SKAP1: variants seen among roughly 807,000 people sequenced by gnomAD.
SKAP1 encodes src kinase associated phosphoprotein 1.
SKAP1 carries 44 observed loss-of-function variants against 58.5 expected under a neutral mutation model. That is an observed-to-expected ratio of 0.75 (90% confidence interval 0.59 to 0.97). The LOEUF (loss-of-function observed/expected upper bound fraction) is 0.97. SKAP1 is among the 50% of genes least tolerant of loss of function. SKAP1 has a pLI of 0.00. For synonymous variants in SKAP1, 127 were observed against 149.7 expected (o/e 0.85, Z 1.11); for missense variants, 390 against 435.2 (o/e 0.90, Z 0.92).
At chr17:48,348,435 C>CT (rs996320544) in intron 3 of SKAP1, among the ~76,000 whole-genome samples, 47 of 143,486 alleles carry the variant, frequency 3.3e-4, no homozygotes, top group East Asian at 4.0e-4. Flanking sequence ...TCAGGAAGGG[C>CT]TTTTTTTTTT....
chr17:48,292,706 T>C (rs1380200007), intron 4 of SKAP1, among the ~76,000 whole-genome samples: 3 of 152,148 alleles, frequency 2.0e-5, no homozygotes, highest in Non-Finnish European at 2.9e-5. Flanking sequence ...ATTTTGGGCA[T>C]GGGGAGATAT....
chr17:48,200,393 T>C (rs1013870283), intron 4 of SKAP1, among the ~76,000 whole-genome samples: 1 of 151,746 alleles, frequency 6.6e-6, no homozygotes, highest in Non-Finnish European at 1.5e-5. Flanking sequence ...TTTTTTTTTT[T>C]GAGTTGGAGT....
At chr17:48,225,571 C>T (rs747842352) in intron 4 of SKAP1, among the ~76,000 whole-genome samples, 5 of 152,104 alleles carry the variant, frequency 3.3e-5, no homozygotes, top group Non-Finnish European at 7.4e-5. Flanking sequence ...ATGGATTATG[C>T]GGAGGGCCCA....
chr17:48,324,554 C>T (rs2066407738), intron 4 of SKAP1, among the ~76,000 whole-genome samples: 1 of 151,906 alleles, frequency 6.6e-6, no homozygotes, highest in South Asian at 2.1e-4. Flanking sequence ...GTCTTATAAC[C>T]TAATTTTTTC....
chr17:48,321,925 C>T (rs760121023), intron 4 of SKAP1, among the ~76,000 whole-genome samples: 8 of 152,164 alleles, frequency 5.3e-5, no homozygotes, highest in Non-Finnish European at 1.2e-4. Flanking sequence ...ACAATCCATA[C>T]CCAAATTATT....
At chr17:48,290,829 A>G (rs1469092511) in intron 4 of SKAP1, among the ~76,000 whole-genome samples, 2 of 152,204 alleles carry the variant, frequency 1.3e-5, no homozygotes, top group Admixed American at 1.3e-4. Context: ...AGAAAAGAAA[A>G]ATATTTTACA....
At chr17:48,402,392 C>T (rs1223345017) in intron 1 of SKAP1, among the ~76,000 whole-genome samples, 4 of 150,430 alleles carry the variant, frequency 2.7e-5, no homozygotes, top group South Asian at 2.1e-4. Context: ...GGCAGTGGTG[C>T]GATCTCAGCT....
chr17:48,162,148 T>C (rs1037747801), intron 11 of SKAP1, among the ~76,000 whole-genome samples: 1 of 152,108 alleles, frequency 6.6e-6, no homozygotes. Flanking sequence ...TGTAGTTTAG[T>C]AGAGACTGGG....
intron 1 of SKAP1, among the ~76,000 whole-genome samples, chr17:48,421,492 A>G (rs2067793152): frequency 6.6e-6 from 1 of 151,792 alleles, no homozygotes; most frequent in Non-Finnish European, 1.5e-5. Context: ...TTTAGTAGAG[A>G]CGGGGTTTCA....
intron 4 of SKAP1, among the ~76,000 whole-genome samples, chr17:48,233,413 G>A (rs1005800847): frequency 2.0e-5 from 3 of 152,124 alleles, no homozygotes; most frequent in Non-Finnish European, 4.4e-5. Flanking sequence ...GAACTGTGTT[G>A]TCCCTGTTTG....
At chr17:48,382,615 T>A (rs1188650625) in intron 2 of SKAP1, 1 of 152,294 alleles carries the variant, frequency 6.6e-6, no homozygotes, top group African/African-American at 2.4e-5. Context: ...GCTGCAGAGA[T>A]AACGAACCTC....
chr17:48,398,265 T>C (rs919431983), intron 1 of SKAP1, among the ~76,000 whole-genome samples: 1 of 152,094 alleles, frequency 6.6e-6, no homozygotes, highest in Non-Finnish European at 1.5e-5. Context: ...ATTAGATCCT[T>C]ATAGGAGCAC....
chr17:48,405,450 T>TTTCCTTCCTTTC (rs1441641292), intron 1 of SKAP1, among the ~76,000 whole-genome samples: 1 of 94,006 alleles, frequency 1.1e-5, no homozygotes, highest in Non-Finnish European at 2.2e-5. Flanking sequence ...TCTTTCTTTC[T>TTTCCTTCCTTTC]TTTCTTTCTT....
chr17:48,271,506 A>G (rs2065633354), intron 4 of SKAP1, among the ~76,000 whole-genome samples: 1 of 151,508 alleles, frequency 6.6e-6, no homozygotes, highest in African/African-American at 2.4e-5. Context: ...AGATGGGACC[A>G]CAGCGTGTGT....
intron 2 of SKAP1, among the ~76,000 whole-genome samples, chr17:48,375,088 T>C (rs2067135554): frequency 6.6e-6 from 1 of 152,166 alleles, no homozygotes; most frequent in Non-Finnish European, 1.5e-5. Context: ...AATACTACTG[T>C]AACAACAGAC....
At chr17:48,409,490 C>A (rs2067634449) in intron 1 of SKAP1, among the ~76,000 whole-genome samples, 1 of 151,998 alleles carries the variant, frequency 6.6e-6, no homozygotes, top group African/African-American at 2.4e-5. Context: ...CATGGTGAAA[C>A]CCTGTCTCTA....
At chr17:48,170,565 C>A in intron 10 of SKAP1, 44 bp downstream of exon 10, 6 of 1,532,992 alleles carry the variant, frequency 3.9e-6, no homozygotes, top group Non-Finnish European at 5.4e-6. Context: ...ATCAGAAGCC[C>A]ATAATGTCCT....
chr17:48,408,841 T>C (rs2067624128), intron 1 of SKAP1, among the ~76,000 whole-genome samples: 1 of 152,126 alleles, frequency 6.6e-6, no homozygotes, highest in African/African-American at 2.4e-5. Context: ...ATTTAGAAAA[T>C]GGTGCTACTC....
At chr17:48,251,058 G>T (rs1033871080) in intron 4 of SKAP1, among the ~76,000 whole-genome samples, 1 of 152,158 alleles carries the variant, frequency 6.6e-6, no homozygotes, top group African/African-American at 2.4e-5. Context: ...TTAAACATCC[G>T]CTACCCTGAA....
Sources: gnomAD v4.1 joint callset for allele counts (sites outside exome capture counted in the v4.1 genomes callset) on GRCh38, gnomAD v4.1.1 for gene constraint, MANE v1.5 for transcripts, NCBI Gene and HGNC (gene_info 2026-07-23, HGNC 2026-07-21) for gene names.